C2CD5: variants seen among roughly 807,000 people sequenced by gnomAD.
C2CD5 encodes the protein C2 calcium dependent domain containing 5.
In C2CD5, 109 loss-of-function variants were observed where a neutral mutation model predicts 130.3. The observed-to-expected ratio is 0.84, with a 90% CI of 0.72 to 0.98. The LOEUF is 0.98. C2CD5 is among the 50% of genes least tolerant of loss of function. The pLI, the probability that C2CD5 is intolerant of heterozygous loss-of-function variation, is 0.00. For missense variants in C2CD5, 996 were observed against 1,261.8 expected (o/e 0.79, Z 3.19); for synonymous variants, 454 against 429.2 (o/e 1.06, Z -0.71).
chr12:22,448,607 A>T lies in C2CD5; in HGVS notation c.*1153T>A, dbSNP rs1343499031. The T allele has an allele frequency of 2.6e-5, 4 of 152,420 alleles. No homozygotes were observed. The East Asian group carries it at 7.7e-4, about 29-fold the overall frequency. 9.4% of individuals were successfully genotyped at this position (152,420 alleles called of 1,614,324 possible). ...GTTTATTTTTATACACTTTTTATTT[A>T]AAAAATAAAATTATAAACAAAATAC... On this transcript the variant is annotated 3_prime_UTR_variant, in exon 27 of 27. Transcript: ENST00000446597.
intron 14 of C2CD5, among the ~76,000 whole-genome samples, chr12:22,481,123 A>C (rs1944647348): frequency 6.6e-6 from 1 of 152,150 alleles, no homozygotes; most frequent in Non-Finnish European, 1.5e-5. Context: ...AAATATTTTA[A>C]TATGAACCAA....
chr12:22,470,300 C>T (rs904991533), intron 21 of C2CD5, among the ~76,000 whole-genome samples: 6 of 152,054 alleles, frequency 3.9e-5, no homozygotes, highest in Non-Finnish European at 7.4e-5. Flanking sequence ...TCAAACTATA[C>T]AAGAAAGTAT....
In C2CD5 at chr12:22,506,765, C is replaced by CA. The variant is rs768039175; in HGVS notation, c.1092dup (p.Gly365TrpfsTer5). On this transcript the variant is annotated frameshift_variant, in exon 10 of 27. Transcript: ENST00000446597. LOFTEE classifies it high-confidence loss of function. ...ACAGAACGTGCACTAACTACACCCC[C>CA]AACGTGTACAAGGAATCCAGGAGGA... 1.9e-6 allele frequency: 3 copies of CA among 1,612,604 alleles called. No homozygotes were observed. In the African/African-American group the frequency reaches 4.0e-5, roughly 22 times the overall value.
At chr12:22,514,838 A>G (rs1949554004) in intron 8 of C2CD5, 1 of 246,424 alleles carries the variant, frequency 4.1e-6, no homozygotes, top group Non-Finnish European at 6.5e-6. Flanking sequence ...TATAATTCCA[A>G]TTATTTAACT....
intron 22 of C2CD5, among the ~76,000 whole-genome samples, chr12:22,466,660 T>C (rs1326757885): frequency 6.6e-6 from 1 of 152,152 alleles, no homozygotes; most frequent in Non-Finnish European, 1.5e-5. Flanking sequence ...CATGTCCTCC[T>C]GAAAAGACTT....
chr12:22,479,286 C>A (rs1287541772), intron 14 of C2CD5, among the ~76,000 whole-genome samples: 2 of 152,014 alleles, frequency 1.3e-5, no homozygotes, highest in African/African-American at 4.8e-5. Flanking sequence ...GTTGGCCAGG[C>A]TGGTCTCCAA....
chr12:22,495,543 C>T (rs1464573279), intron 10 of C2CD5, among the ~76,000 whole-genome samples: 1 of 151,208 alleles, frequency 6.6e-6, no homozygotes, highest in Non-Finnish European at 1.5e-5. Context: ...GAATAAGTGG[C>T]TGATTCAAAA....
chr12:22,454,616 A>C (rs934634743), intron 25 of C2CD5, among the ~76,000 whole-genome samples: 1 of 150,540 alleles, frequency 6.6e-6, no homozygotes, highest in Middle Eastern at 3.4e-3. Flanking sequence ...CCTTGGTCCC[A>C]ACTTACATAT....
In C2CD5 at chr12:22,450,916, A is replaced by C. The variant is rs574700686; in HGVS notation, c.3025-1025T>G. On this transcript the variant is annotated intron_variant, in intron 26 of 26. Transcript: ENST00000446597. ...GGTAGTCTTTATGTCCTGAAATGAA[A>C]ATGTTGCCAAGAAAAAGCAGGTGAA... Among the ~76,000 whole-genome samples the C allele has an allele frequency of 1.6e-3, 244 of 152,236 alleles. 1 individual carries two copies. The highest frequency in any genetic ancestry group is 3.0e-3 in the Non-Finnish European group (207 of 67,986).
chr12:22,517,622 T>C (rs1034749437), intron 8 of C2CD5, among the ~76,000 whole-genome samples: 6 of 152,116 alleles, frequency 3.9e-5, no homozygotes, highest in Admixed American at 2.0e-4. Flanking sequence ...TAGGCAGAAA[T>C]AATAAATTCA....
At position 22,448,875 on chromosome 12, in the gene C2CD5, T is replaced by C. The variant is rs374804612; in HGVS notation, c.*885A>G. The C allele has an allele frequency of 6.6e-6, 1 of 152,590 alleles. No homozygotes were observed. Among genetic ancestry groups the C allele is most frequent in the Non-Finnish European group, 1.5e-5 (1 of 68,028 alleles). 9.5% of individuals were successfully genotyped at this position (152,590 alleles called of 1,614,324 possible). On this transcript the variant is annotated 3_prime_UTR_variant, in exon 27 of 27. Transcript: ENST00000446597. ...TCCAAATTCTATGCCAAATACAGTCTAACTCACCATCAACAATCCCTCAGA... is the reference window on the plus strand; with the variant it reads ...TCCAAATTCTATGCCAAATACAGTCCAACTCACCATCAACAATCCCTCAGA...
At chr12:22,539,550 G>A (rs1009623463) in intron 2 of C2CD5, among the ~76,000 whole-genome samples, 1 of 151,938 alleles carries the variant, frequency 6.6e-6, no homozygotes, top group Non-Finnish European at 1.5e-5. Flanking sequence ...GACATTTCTA[G>A]CAGTGGTTTT....
intron 22 of C2CD5, among the ~76,000 whole-genome samples, chr12:22,462,594 A>G (rs1292296120): frequency 6.6e-6 from 1 of 152,208 alleles, no homozygotes; most frequent in Non-Finnish European, 1.5e-5. Context: ...AGTGGAAATG[A>G]GCATATTAAC....
chr12:22,462,539 G>A (rs1241239566), intron 22 of C2CD5, among the ~76,000 whole-genome samples: 3 of 152,202 alleles, frequency 2.0e-5, no homozygotes, highest in African/African-American at 4.8e-5. Flanking sequence ...CAAGCCCTGT[G>A]TGTAGTGGTG....
intron 16 of C2CD5, 36 bp downstream of exon 16, chr12:22,474,715 C>T (rs536213841): frequency 1.3e-6 from 2 of 1,518,132 alleles, no homozygotes; most frequent in Non-Finnish European, 1.8e-6. Context: ...TCTTAGCTTC[C>T]AAAACCTTTA....
At chr12:22,531,276 T>A (rs1341622558) in intron 3 of C2CD5, among the ~76,000 whole-genome samples, 1 of 152,186 alleles carries the variant, frequency 6.6e-6, no homozygotes, top group African/African-American at 2.4e-5. Flanking sequence ...AAAGAAAAAT[T>A]TGTACATATA....
chr12:22,484,798 G>C lies in C2CD5; in HGVS notation c.1449C>G (p.Cys483Trp). 1.2e-6 allele frequency: 2 copies of C among 1,608,794 alleles called. No individual in the cohort carries two copies. The highest frequency in any genetic ancestry group is 2.2e-5 in the South Asian group (2 of 90,658). ...NMPFPAHLTY[C>W]YNCRKQKVPD... The stretch of plus-strand genomic sequence containing the variant: ...GAACTTTTTGTTTCCTGCAGTTATA[G>C]CAATATGTGAGATGAGCTGGAAATG... The change falls in exon 13 of 27, where the codon TGC becomes TGG. Residue 483 changes from cysteine to tryptophan, a missense_variant. Physicochemically the swap from Cys to Trp is radical, Grantham distance 215. Transcript: ENST00000446597.
At chr12:22,481,427 TGA>T (rs1431700396) in intron 14 of C2CD5, among the ~76,000 whole-genome samples, 3 of 152,050 alleles carry the variant, frequency 2.0e-5, no homozygotes, top group African/African-American at 7.2e-5. Context: ...ACCTAGAAAA[TGA>T]GAGAATTTCC....
chr12:22,524,939 A>G (rs1320690519), intron 5 of C2CD5, among the ~76,000 whole-genome samples: 1 of 148,178 alleles, frequency 6.7e-6, no homozygotes, highest in Non-Finnish European at 1.5e-5. Context: ...AAAAATCAAA[A>G]TTTAAGTCAG....
Sources: allele counts gnomAD v4.1 joint callset (sites outside exome capture counted in the v4.1 genomes callset), GRCh38; gene constraint gnomAD v4.1.1; transcripts MANE v1.5; gene names NCBI Gene and HGNC (gene_info 2026-07-23, HGNC 2026-07-21).